BNC2: variants seen among roughly 807,000 people sequenced by gnomAD.
BNC2 encodes basonuclin zinc finger protein 2, also known as zinc finger protein basonuclin-2.
Under a neutral mutation model 76.3 loss-of-function variants are expected in BNC2, and 20 were observed. The ratio of observed to expected loss-of-function variants is 0.26; its 90% CI spans 0.18 to 0.38. The LOEUF (loss-of-function observed/expected upper bound fraction) is 0.38. BNC2 is among the 10% of genes least tolerant of loss of function. BNC2 has a pLI of 1.00. For synonymous variants in BNC2, 582 were observed against 514.8 expected (o/e 1.13, Z -1.77); for missense variants, 1,382 against 1,399.8 (o/e 0.99, Z 0.20).
At chr9:16,797,136 A>C (rs951349379) in intron 1 of BNC2, among the ~76,000 whole-genome samples, 4 of 132,680 alleles carry the variant, frequency 3.0e-5, no homozygotes, top group Non-Finnish European at 5.4e-5. Context: ...CACTATTCCT[A>C]AAGCTTAATA....
chr9:16,664,083 T>A (rs999689436), intron 3 of BNC2, among the ~76,000 whole-genome samples: 2 of 152,130 alleles, frequency 1.3e-5, no homozygotes, highest in Non-Finnish European at 2.9e-5. Flanking sequence ...CTTCTCGAAA[T>A]AATAGGCCTT....
At chr9:16,486,959 T>A (rs1822177042) in intron 5 of BNC2, among the ~76,000 whole-genome samples, 1 of 152,210 alleles carries the variant, frequency 6.6e-6, no homozygotes, top group South Asian at 2.1e-4. Context: ...TCCTCCCATC[T>A]TGGCCTCAAA....
chr9:16,692,477 G>C (rs371799150), intron 3 of BNC2, among the ~76,000 whole-genome samples: 31 of 152,040 alleles, frequency 2.0e-4, no homozygotes, highest in African/African-American at 7.5e-4. Context: ...TATTGTGCAG[G>C]GTTGGCAAGG....
At chr9:16,729,574 CAA>C (rs1296929452) in intron 2 of BNC2, among the ~76,000 whole-genome samples, 1 of 152,016 alleles carries the variant, frequency 6.6e-6, no homozygotes, top group African/African-American at 2.4e-5. Flanking sequence ...CCATTAAGCA[CAA>C]AAAAGTCTCA....
intron 5 of BNC2, among the ~76,000 whole-genome samples, chr9:16,495,760 G>T (rs947794504): frequency 5.9e-5 from 9 of 152,158 alleles, no homozygotes; most frequent in African/African-American, 1.9e-4. Context: ...CTCTCTGAAG[G>T]TTAACGAAGA....
At chr9:16,457,708 C>T (rs192928999) in intron 5 of BNC2, among the ~76,000 whole-genome samples, 36 of 152,240 alleles carry the variant, frequency 2.4e-4, no homozygotes, top group African/African-American at 8.2e-4. Context: ...CGGCATAAAG[C>T]ATATTATTTA....
At chr9:16,618,764 G>A (rs1171097751) in intron 3 of BNC2, among the ~76,000 whole-genome samples, 1 of 152,098 alleles carries the variant, frequency 6.6e-6, no homozygotes, top group Admixed American at 6.6e-5. Context: ...AATTGTGCTG[G>A]TGCTCTCTGA....
chr9:16,642,503 A>G (rs977004632), intron 3 of BNC2, among the ~76,000 whole-genome samples: 1 of 152,178 alleles, frequency 6.6e-6, no homozygotes, highest in African/African-American at 2.4e-5. Flanking sequence ...ACCATACTAC[A>G]AAACCACTGA....
At chr9:16,697,682 C>G (rs1264191961) in intron 3 of BNC2, among the ~76,000 whole-genome samples, 1 of 150,828 alleles carries the variant, frequency 6.6e-6, no homozygotes, top group East Asian at 2.0e-4. Context: ...GAGATTGCCA[C>G]TGCACTCCAG....
At chr9:16,852,709 C>T (rs34296299) in intron 1 of BNC2, among the ~76,000 whole-genome samples, 8,044 of 151,944 alleles carry the variant, frequency 0.053, 465 homozygotes, top group Admixed American at 0.17. Flanking sequence ...GATAGGGACA[C>T]AGGAGGGAAG....
chr9:16,535,181 A>C (rs1398829235), intron 5 of BNC2, among the ~76,000 whole-genome samples: 3 of 152,238 alleles, frequency 2.0e-5, no homozygotes, highest in Admixed American at 1.3e-4. Context: ...GTTTATGGCA[A>C]CGTTGCCCAT....
At chr9:16,455,264 A>G (rs1412570579) in intron 5 of BNC2, among the ~76,000 whole-genome samples, 2 of 152,246 alleles carry the variant, frequency 1.3e-5, no homozygotes, top group Admixed American at 6.5e-5. Context: ...GGTGGGGCAG[A>G]GGGAGAAGTG....
rs56301535 is a variant in BNC2, at chr9:16,707,958, C to G, written c.330+19839G>C. ...CGCCGGGCCAAAGTAATTTTATAAT[C>G]TAAGTATTCACTACTATGGTATAGC... On this transcript the variant is annotated intron_variant, in intron 3 of 6. Coordinates refer to ENST00000380672, the MANE Select transcript of BNC2 (RefSeq NM_017637.6). 8.3e-3 allele frequency among the ~76,000 whole-genome samples: 1,263 copies of G among 152,186 alleles called. 27 individuals are homozygous for G. Among genetic ancestry groups the G allele is most frequent in the African/African-American group, 0.028 (1,170 of 41,536 alleles).
At chr9:16,619,011 C>T (rs1890074) in intron 3 of BNC2, among the ~76,000 whole-genome samples, 82,097 of 152,068 alleles carry the variant, frequency 0.54, 25,081 homozygotes, top group African/African-American at 0.84. Flanking sequence ...CAATTCAAAG[C>T]ATTCTTTATT....
intron 1 of BNC2, among the ~76,000 whole-genome samples, chr9:16,763,530 A>G (rs1265027945): frequency 6.6e-6 from 1 of 152,084 alleles, no homozygotes; most frequent in Non-Finnish European, 1.5e-5. Flanking sequence ...TGTTCACACC[A>G]CTGCACTCCA....
intron 2 of BNC2, among the ~76,000 whole-genome samples, chr9:16,728,758 G>A (rs1470514323): frequency 1.3e-5 from 2 of 151,592 alleles, no homozygotes; most frequent in Non-Finnish European, 2.9e-5. Flanking sequence ...CATAGAAGAT[G>A]CACAATAAAC....
intron 3 of BNC2, among the ~76,000 whole-genome samples, chr9:16,704,193 G>C (rs762735593): frequency 6.6e-6 from 1 of 152,144 alleles, no homozygotes; most frequent in African/African-American, 2.4e-5. Flanking sequence ...AAATTAACTT[G>C]AGTCAGTTCA....
At chr9:16,706,186 CCAAAA>C (rs1339813577) in intron 3 of BNC2, among the ~76,000 whole-genome samples, 8 of 152,186 alleles carry the variant, frequency 5.3e-5, no homozygotes, top group Admixed American at 5.2e-4. Flanking sequence ...GTTTTGCACC[CCAAAA>C]TACCCCTTTC....
intron 3 of BNC2, among the ~76,000 whole-genome samples, chr9:16,633,834 A>G (rs1255124797): frequency 1.3e-5 from 2 of 152,218 alleles, no homozygotes; most frequent in Non-Finnish European, 2.9e-5. Context: ...AAGATTCTTC[A>G]ATCAATCTGT....
Sources: allele counts gnomAD v4.1 joint callset (sites outside exome capture counted in the v4.1 genomes callset), GRCh38; gene constraint gnomAD v4.1.1; transcripts MANE v1.5; gene names NCBI Gene and HGNC (gene_info 2026-07-23, HGNC 2026-07-21).